The following PDE4B variants were observed in gnomAD, a reference collection of about 807,000 sequenced individuals.
PDE4B encodes phosphodiesterase 4B.
PDE4B carries 20 observed loss-of-function variants against 82.2 expected under a neutral mutation model. The observed-to-expected ratio is 0.24, with a 90% CI of 0.17 to 0.35. The LOEUF (loss-of-function observed/expected upper bound fraction) is 0.35, where lower values mean the gene tolerates loss of function less well. PDE4B is among the 10% of genes least tolerant of loss of function. The pLI is 1.00. For synonymous variants in PDE4B, 320 were observed against 318.9 expected, an observed-to-expected ratio of 1.00 and a Z score of -0.04; for missense variants, 655 against 907.2, an observed-to-expected ratio of 0.72 and a Z score of 3.57.
chr1:65,793,555 A>T (rs891042476), intron 1 of PDE4B, among the ~76,000 whole-genome samples: 3 of 152,178 alleles, frequency 2.0e-5, no homozygotes, highest in African/African-American at 7.2e-5. Context: ...AGGCAGAAGG[A>T]TTCAGGGCTT....
intron 3 of PDE4B, among the ~76,000 whole-genome samples, chr1:66,196,898 A>G (rs1430073710): frequency 6.6e-6 from 1 of 152,056 alleles, no homozygotes; most frequent in Non-Finnish European, 1.5e-5. Flanking sequence ...AGCATGGCAC[A>G]TGTATACATA....
At chr1:65,974,771 C>T (rs547890695) in intron 3 of PDE4B, among the ~76,000 whole-genome samples, 23 of 152,288 alleles carry the variant, frequency 1.5e-4, no homozygotes, top group Admixed American at 7.8e-4. Flanking sequence ...TAGTATGATG[C>T]GCTTGCTTCC....
At position 66,365,783 on chromosome 1, in the gene PDE4B, A is replaced by G. The variant is rs1249711706; in HGVS notation, c.1384+17A>G. 1.4e-6 allele frequency: 2 copies of G among 1,396,626 alleles called. No homozygotes were observed. Among genetic ancestry groups the G allele is most frequent in the Admixed American group, 1.7e-5 (1 of 58,044 alleles). 86.5% of individuals were successfully genotyped at this position (1,396,626 alleles called of 1,614,324 possible). On this transcript the variant is annotated intron_variant, in intron 13 of 16. Transcript: ENST00000341517. ...TCAACACAAGTGAGTTCACCACTACAGCAGTCATTCCAGATAATTGTATGA... is the reference window on the plus strand; with the variant it reads ...TCAACACAAGTGAGTTCACCACTACGGCAGTCATTCCAGATAATTGTATGA...
At chr1:66,182,182 C>G (rs370836185) in intron 3 of PDE4B, among the ~76,000 whole-genome samples, 3 of 152,090 alleles carry the variant, frequency 2.0e-5, no homozygotes, top group South Asian at 4.1e-4. Flanking sequence ...TCCTTCCTGT[C>G]AGTTGTCACA....
At chr1:66,081,143 T>C (rs1171995890) in intron 3 of PDE4B, among the ~76,000 whole-genome samples, 2 of 152,152 alleles carry the variant, frequency 1.3e-5, no homozygotes, top group African/African-American at 4.8e-5. Flanking sequence ...TTGCTCCATG[T>C]GAGGAAATTC....
intron 3 of PDE4B, among the ~76,000 whole-genome samples, chr1:66,107,386 G>A (rs534875424): frequency 1.3e-5 from 2 of 151,844 alleles, no homozygotes; most frequent in Non-Finnish European, 2.9e-5. Context: ...AACTTGGGTT[G>A]TTGATGTCAA....
At chr1:66,199,431 A>T (rs951509258) in intron 3 of PDE4B, among the ~76,000 whole-genome samples, 14 of 152,082 alleles carry the variant, frequency 9.2e-5, no homozygotes, top group African/African-American at 3.1e-4. Flanking sequence ...GTCTGTTCAT[A>T]TCCTTCGCCC....
intron 8 of PDE4B, among the ~76,000 whole-genome samples, chr1:66,342,741 A>C (rs1412193115): frequency 6.7e-5 from 10 of 148,350 alleles, no homozygotes; most frequent in Non-Finnish European, 1.0e-4. Flanking sequence ...AAAAAAAAAA[A>C]AACAAAACAA....
chr1:66,027,073 C>T (rs1437423012), intron 3 of PDE4B, among the ~76,000 whole-genome samples: 1 of 152,130 alleles, frequency 6.6e-6, no homozygotes, highest in African/African-American at 2.4e-5. Flanking sequence ...ATGTATTTTA[C>T]TTTTTAATAT....
chr1:65,912,704 G>A (rs750776224), intron 1 of PDE4B, among the ~76,000 whole-genome samples: 2 of 151,916 alleles, frequency 1.3e-5, no homozygotes, highest in Non-Finnish European at 1.5e-5. Context: ...TTAAGATTAA[G>A]GTTTTTTTCT....
intron 1 of PDE4B, among the ~76,000 whole-genome samples, chr1:65,910,889 G>A (rs1171356629): frequency 6.6e-6 from 1 of 152,076 alleles, no homozygotes; most frequent in Admixed American, 6.6e-5. Flanking sequence ...GGGTCTGAAG[G>A]GGCAGATGAG....
intron 3 of PDE4B, among the ~76,000 whole-genome samples, chr1:66,019,790 C>T (rs1307262222): frequency 6.6e-6 from 1 of 152,198 alleles, no homozygotes; most frequent in Non-Finnish European, 1.5e-5. Context: ...TGTTTAATCA[C>T]ACTTTATAGT....
At chr1:65,881,184 G>A (rs1008196557) in intron 1 of PDE4B, among the ~76,000 whole-genome samples, 3 of 152,120 alleles carry the variant, frequency 2.0e-5, no homozygotes, top group African/African-American at 7.2e-5. Flanking sequence ...TTTCTCTTCT[G>A]CATGCTAGAC....
At chr1:65,891,306 C>T (rs2100386360) in intron 1 of PDE4B, among the ~76,000 whole-genome samples, 1 of 152,164 alleles carries the variant, frequency 6.6e-6, no homozygotes, top group Non-Finnish European at 1.5e-5. Context: ...CAGGCATCTG[C>T]TCTTTGTACA....
At chr1:66,354,371 G>A in intron 8 of PDE4B, 1 of 985,580 alleles carries the variant, frequency 1.0e-6, no homozygotes, top group Non-Finnish European at 1.2e-6. Flanking sequence ...AATATTCATG[G>A]GGCTTCCTCC....
chr1:66,115,704 C>A (rs1013607384), intron 3 of PDE4B, among the ~76,000 whole-genome samples: 2 of 152,296 alleles, frequency 1.3e-5, no homozygotes, highest in Non-Finnish European at 2.9e-5. Flanking sequence ...CAGATCATTG[C>A]ACTGAAGAGC....
intron 7 of PDE4B, chr1:66,331,880 G>A (rs1337817085): frequency 1.0e-6 from 1 of 986,140 alleles, no homozygotes; most frequent in Non-Finnish European, 1.2e-6. Flanking sequence ...AAAGATTTAA[G>A]GGAGAGAAAG....
chr1:66,162,305 CTTTTTTTTTTT>C (rs1168144080), intron 3 of PDE4B, among the ~76,000 whole-genome samples: 706 of 40,330 alleles, frequency 0.018, 17 homozygotes, highest in Non-Finnish European at 0.022. Flanking sequence ...ATGGACTTCT[CTTTTTTTTTTT>C]TTTTTTTTTT....
At chr1:66,247,028 A>G (rs1653367017) in intron 3 of PDE4B, among the ~76,000 whole-genome samples, 1 of 152,196 alleles carries the variant, frequency 6.6e-6, no homozygotes, top group Non-Finnish European at 1.5e-5. Context: ...GAAGTCTTCC[A>G]GACAGGAAGA....
Sources: allele counts gnomAD v4.1 joint callset (sites outside exome capture counted in the v4.1 genomes callset), GRCh38; gene constraint gnomAD v4.1.1; transcripts MANE v1.5; gene names NCBI Gene and HGNC (gene_info 2026-07-23, HGNC 2026-07-21).